Variants in SUGCT observed in about 807,000 individuals in gnomAD.
SUGCT encodes succinyl-CoA:glutarate CoA-transferase.
In SUGCT, 41 loss-of-function variants were observed where a neutral mutation model predicts 55.0. The observed-to-expected ratio is 0.74, with a 90% CI of 0.58 to 0.97. The LOEUF is 0.97. Among genes scored for constraint, SUGCT ranks in the 50% least tolerant of loss-of-function variants. The pLI is 0.00. For missense variants in SUGCT, 568 were observed against 547.8 expected, an observed-to-expected ratio of 1.04 and a Z score of -0.37; for synonymous variants, 187 against 200.4, an observed-to-expected ratio of 0.93 and a Z score of 0.56.
rs1554296374 is a variant in SUGCT at position 40,249,339 on chromosome 7, A to ATAGC, written c.576+11615_576+11616insGCTA. 6.4e-4 allele frequency among the ~76,000 whole-genome samples: 84 copies of ATAGC among 131,968 alleles called. 3 individuals carry two copies. The highest frequency in any genetic ancestry group is 2.3e-3 in the African/African-American group (79 of 34,182). The allele number at this position is 131,968 out of a possible 152,430, so 86.6% of individuals were successfully genotyped here. A position where few individuals can be genotyped will look rare whatever the true frequency, so the allele number is the denominator to read the frequency against. On this transcript the variant is annotated intron_variant, in intron 7 of 13. Transcript: ENST00000335693. ...TATATATATATATATATATATATAT[A>ATAGC]TATATATAATTATATTATATAGAAT...
At chr7:40,205,805 T>C (rs531310729) in intron 6 of SUGCT, among the ~76,000 whole-genome samples, 1 of 152,156 alleles carries the variant, frequency 6.6e-6, no homozygotes, top group Non-Finnish European at 1.5e-5. Context: ...TCTGATACTA[T>C]TGATTTAAAA....
intron 3 of SUGCT, among the ~76,000 whole-genome samples, chr7:40,185,757 A>G (rs1785468804): frequency 6.6e-6 from 1 of 152,014 alleles, no homozygotes; most frequent in Non-Finnish European, 1.5e-5. Context: ...TCCTGACCTC[A>G]GGTGATCCAC....
intron 11 of SUGCT, among the ~76,000 whole-genome samples, chr7:40,473,126 G>C (rs1790484767): frequency 6.6e-6 from 1 of 152,156 alleles, no homozygotes; most frequent in African/African-American, 2.4e-5. Context: ...TGAATGTTCT[G>C]ATGAAACACA....
intron 9 of SUGCT, among the ~76,000 whole-genome samples, chr7:40,389,470 C>T (rs1013764134): frequency 2.7e-5 from 1 of 37,138 alleles, no homozygotes; most frequent in African/African-American, 7.5e-5. Flanking sequence ...AACAAACAAA[C>T]AAGCAAAAAG....
rs184838437 is a variant in SUGCT, at chr7:40,170,606, G to T, written c.101-10341G>T. On this transcript the variant is annotated intron_variant, in intron 1 of 13. Coordinates refer to ENST00000335693, the MANE Select transcript of SUGCT (RefSeq NM_001193313.2). ...GTCCTAATGCTTATTCCTTTCCAGG[G>T]TGCATAACCACCCATGGACCTCTGC... Among the ~76,000 whole-genome samples the T allele has an allele frequency of 6.5e-3, 990 of 152,234 alleles. 13 individuals carry two copies. The highest frequency in any genetic ancestry group is 0.023 in the African/African-American group (943 of 41,532).
chr7:40,941,373 T>G, the SUGCT span, among the ~76,000 whole-genome samples: 1 of 152,094 alleles, frequency 6.6e-6, no homozygotes, highest in Non-Finnish European at 1.5e-5. Flanking sequence ...TTCTATGTAT[T>G]TGTATAGTCT....
the SUGCT span, among the ~76,000 whole-genome samples, chr7:40,949,790 C>T: frequency 6.6e-6 from 1 of 152,096 alleles, no homozygotes; most frequent in East Asian, 1.9e-4. Context: ...TTTCTGAGGG[C>T]TCTGTTCTGT....
intron 12 of SUGCT, among the ~76,000 whole-genome samples, chr7:40,714,949 T>G (rs1785939313): frequency 6.6e-6 from 1 of 152,200 alleles, no homozygotes; most frequent in African/African-American, 2.4e-5. Context: ...TGTAGAAATA[T>G]GTAATTCATA....
chr7:40,253,362 C>G (rs1790571265), intron 7 of SUGCT, among the ~76,000 whole-genome samples: 1 of 152,190 alleles, frequency 6.6e-6, no homozygotes, highest in Non-Finnish European at 1.5e-5. Context: ...TCTCCAGCTC[C>G]TTATCCTCCT....
intron 6 of SUGCT, among the ~76,000 whole-genome samples, chr7:40,207,990 G>C (rs1787089862): frequency 6.6e-6 from 1 of 152,112 alleles, no homozygotes; most frequent in African/African-American, 2.4e-5. Context: ...AATAATGATG[G>C]AATATTATTC....
At chr7:40,339,840 C>T (rs550737218) in intron 9 of SUGCT, among the ~76,000 whole-genome samples, 9 of 152,292 alleles carry the variant, frequency 5.9e-5, no homozygotes, top group Admixed American at 2.6e-4. Flanking sequence ...GCATCACTTA[C>T]GCTGGGAGCT....
At position 40,537,637 on chromosome 7, in the gene SUGCT, G is replaced by A. The variant is rs575667006; in HGVS notation, c.1089+41251G>A. Among the ~76,000 whole-genome samples, 22 of 152,230 alleles carry A rather than the reference G, an allele frequency of 1.4e-4. No individual in the cohort carries two copies. The East Asian group carries it at 4.2e-3, about 29-fold the overall frequency. On this transcript the variant is annotated intron_variant, in intron 12 of 13. Coordinates refer to ENST00000335693, the MANE Select transcript of SUGCT (RefSeq NM_001193313.2). Reference sequence around the variant, plus strand: ...AAGCATTATAAAACCTTCAGTGCAGGGTCCTCCTTAACATTCAAATGTACT... The same window carrying A: ...AAGCATTATAAAACCTTCAGTGCAGAGTCCTCCTTAACATTCAAATGTACT...
chr7:40,513,309 C>T (rs1793045180), intron 12 of SUGCT, among the ~76,000 whole-genome samples: 1 of 152,068 alleles, frequency 6.6e-6, no homozygotes, highest in Admixed American at 6.6e-5. Context: ...TGAATGAGCC[C>T]TGTAAAAGCT....
the SUGCT span, among the ~76,000 whole-genome samples, chr7:40,944,700 G>C: frequency 3.3e-5 from 5 of 152,154 alleles, no homozygotes; most frequent in Non-Finnish European, 5.9e-5. Flanking sequence ...GTCGGGTAGC[G>C]TGATGCCTCC....
intron 9 of SUGCT, among the ~76,000 whole-genome samples, chr7:40,406,504 G>A (rs936986930): frequency 1.3e-5 from 2 of 152,158 alleles, no homozygotes; most frequent in African/African-American, 2.4e-5. Context: ...CTACACAGAG[G>A]AATGAACGAG....
chr7:40,205,472 T>A (rs1164642114), intron 6 of SUGCT, among the ~76,000 whole-genome samples: 3 of 151,548 alleles, frequency 2.0e-5, no homozygotes, highest in Non-Finnish European at 4.4e-5. Context: ...TGAAACCCCA[T>A]CTCTACTAAA....
intron 13 of SUGCT, among the ~76,000 whole-genome samples, chr7:40,766,305 G>T (rs1788787591): frequency 6.6e-6 from 1 of 152,008 alleles, no homozygotes; most frequent in South Asian, 2.1e-4. Context: ...CTGCCTCCCG[G>T]GTTCAAGCAA....
At chr7:40,607,845 G>A (rs942319190) in intron 12 of SUGCT, among the ~76,000 whole-genome samples, 3 of 152,128 alleles carry the variant, frequency 2.0e-5, no homozygotes, top group African/African-American at 7.2e-5. Flanking sequence ...TTTTCCTAAG[G>A]CCATAGACCT....
chr7:40,806,996 C>A (rs10272186), intron 13 of SUGCT, among the ~76,000 whole-genome samples: 26,414 of 152,120 alleles, frequency 0.17, 2,658 homozygotes, highest in East Asian at 0.42. Context: ...CACTACCCAC[C>A]TTCTAAAGTT....
Sources: gnomAD v4.1 joint callset for allele counts (sites outside exome capture counted in the v4.1 genomes callset) on GRCh38, gnomAD v4.1.1 for gene constraint, MANE v1.5 for transcripts, NCBI Gene and HGNC (gene_info 2026-07-23, HGNC 2026-07-21) for gene names.